The following NPAS3 variants were observed in gnomAD, a reference collection of about 807,000 sequenced individuals.
NPAS3 encodes neuronal PAS domain protein 3, also known as neuronal PAS domain-containing protein 3.
A neutral mutation model predicts 73.1 loss-of-function variants in NPAS3; 14 were observed. The ratio of observed to expected loss-of-function variants is 0.19; its 90% CI spans 0.13 to 0.30. The LOEUF is 0.30. Ranked by LOEUF, NPAS3 falls within the 10% of genes least tolerant of loss-of-function variation. NPAS3 has a pLI of 1.00. For synonymous variants in NPAS3, 620 were observed against 541.5 expected (o/e 1.14, Z -2.01); for missense variants, 1,096 against 1,250.0 (o/e 0.88, Z 1.86).
chr14:33,147,379 C>T (rs1024755723), intron 2 of NPAS3, among the ~76,000 whole-genome samples: 1 of 152,072 alleles, frequency 6.6e-6, no homozygotes, highest in Non-Finnish European at 1.5e-5. Flanking sequence ...TTTCTTAGTT[C>T]TGTTGCTGCT....
chr14:33,674,048 G>A (rs914969212), intron 5 of NPAS3, among the ~76,000 whole-genome samples: 18 of 152,100 alleles, frequency 1.2e-4, no homozygotes, highest in Admixed American at 2.0e-4. Context: ...AGTCCTCACC[G>A]TGCCCTAGTG....
intron 5 of NPAS3, among the ~76,000 whole-genome samples, chr14:33,591,135 G>A (rs2057049443): frequency 6.6e-6 from 1 of 152,116 alleles, no homozygotes; most frequent in South Asian, 2.1e-4. Context: ...GCTTCCTGAG[G>A]AGCAAGTTTC....
At chr14:33,102,059 C>T (rs548271157) in intron 2 of NPAS3, among the ~76,000 whole-genome samples, 1 of 152,110 alleles carries the variant, frequency 6.6e-6, no homozygotes, top group Non-Finnish European at 1.5e-5. Context: ...CCTCTGTTCC[C>T]ACTACCATGC....
At chr14:33,153,304 G>A (rs375809624) in intron 2 of NPAS3, among the ~76,000 whole-genome samples, 1 of 151,908 alleles carries the variant, frequency 6.6e-6, no homozygotes, top group African/African-American at 2.4e-5. Context: ...TGGTTAAGTG[G>A]TTTGGAAGTT....
rs188313974 is a variant in NPAS3, at chr14:33,254,571, A to T, written c.385+39145A>T. Among the ~76,000 whole-genome samples, 18 of 152,286 alleles carry T rather than the reference A, an allele frequency of 1.2e-4. No homozygotes were observed. The East Asian group carries it at 3.1e-3, about 26-fold the overall frequency. ...AGCCTACGGTAGTGCCTGGCACAGT[A>T]GGTGCTCATTAAGTTAATTATGTAT... is the stretch of plus-strand genomic sequence containing the variant. On this transcript the variant is annotated intron_variant, in intron 3 of 11. Transcript: ENST00000356141.
At chr14:33,535,319 G>A (rs2054214741) in intron 4 of NPAS3, among the ~76,000 whole-genome samples, 1 of 152,170 alleles carries the variant, frequency 6.6e-6, no homozygotes, top group Non-Finnish European at 1.5e-5. Context: ...TATTTGACTA[G>A]ACTAGTATGA....
At chr14:32,993,629 A>G (rs183559540) in intron 1 of NPAS3, among the ~76,000 whole-genome samples, 2 of 152,332 alleles carry the variant, frequency 1.3e-5, no homozygotes, top group Non-Finnish European at 2.9e-5. Context: ...TTTATATTCA[A>G]ATAACTAAGG....
At chr14:33,656,371 TTCTC>T (rs1224342005) in intron 5 of NPAS3, among the ~76,000 whole-genome samples, 2 of 152,180 alleles carry the variant, frequency 1.3e-5, no homozygotes, top group Non-Finnish European at 2.9e-5. Flanking sequence ...TCTTATTTAA[TTCTC>T]TCAACAACCC....
intron 5 of NPAS3, among the ~76,000 whole-genome samples, chr14:33,584,785 C>T (rs1422191593): frequency 6.6e-6 from 1 of 152,082 alleles, no homozygotes; most frequent in Non-Finnish European, 1.5e-5. Context: ...AGAGCACAGC[C>T]CTGACTTCCA....
chr14:33,686,708 C>G (rs2060098553), intron 6 of NPAS3, among the ~76,000 whole-genome samples: 1 of 151,958 alleles, frequency 6.6e-6, no homozygotes, highest in South Asian at 2.1e-4. Flanking sequence ...GAATTTGAAC[C>G]CAAGCAGGCT....
intron 4 of NPAS3, among the ~76,000 whole-genome samples, chr14:33,409,875 C>T (rs936466366): frequency 1.3e-5 from 2 of 152,088 alleles, no homozygotes; most frequent in African/African-American, 4.8e-5. Flanking sequence ...TGACAGGAGA[C>T]ATCTAAAATA....
intron 4 of NPAS3, among the ~76,000 whole-genome samples, chr14:33,475,617 T>C (rs926042006): frequency 6.6e-6 from 1 of 152,046 alleles, no homozygotes; most frequent in Non-Finnish European, 1.5e-5. Context: ...AAGAACTGTC[T>C]GAAATCCTTA....
At position 32,964,160 on chromosome 14, in the gene NPAS3, T is replaced by TAAAAAA. The variant is rs34380538; in HGVS notation, c.50+24814_50+24819dup. ...GCTTTTGTTCTACATTTTGCTGCAC[T>TAAAAAA]AAAAAAAAAAAAAAAAAAAAAAAAA... On this transcript the variant is annotated intron_variant, in intron 1 of 11. Transcript: ENST00000356141. 1.9e-4 allele frequency among the ~76,000 whole-genome samples: 14 copies of TAAAAAA among 75,434 alleles called. No individual in the cohort carries two copies. The East Asian group carries it at 2.0e-3, about 11-fold the overall frequency. 49.5% of individuals were successfully genotyped at this position (75,434 alleles called of 152,430 possible).
At chr14:33,536,890 A>G (rs2054283981) in intron 4 of NPAS3, among the ~76,000 whole-genome samples, 1 of 152,194 alleles carries the variant, frequency 6.6e-6, no homozygotes, top group Non-Finnish European at 1.5e-5. Flanking sequence ...AATTTTCTAG[A>G]CATTTGAATT....
At chr14:32,990,653 C>A (rs767385325) in intron 1 of NPAS3, among the ~76,000 whole-genome samples, 1 of 152,042 alleles carries the variant, frequency 6.6e-6, no homozygotes, top group African/African-American at 2.4e-5. Flanking sequence ...AGGCCAGGTA[C>A]GGTAGTTCAC....
chr14:32,989,993 A>G (rs2038265241), intron 1 of NPAS3, among the ~76,000 whole-genome samples: 1 of 152,198 alleles, frequency 6.6e-6, no homozygotes, highest in Admixed American at 6.5e-5. Flanking sequence ...CAAACTAATT[A>G]GTGAATGGAT....
chr14:33,788,383 C>T (rs565500469), intron 9 of NPAS3, among the ~76,000 whole-genome samples: 24 of 152,246 alleles, frequency 1.6e-4, no homozygotes, highest in African/African-American at 5.3e-4. Context: ...GTGGAATCTC[C>T]GATGATCTCA....
chr14:33,396,838 T>G (rs903508932), intron 4 of NPAS3, among the ~76,000 whole-genome samples: 2 of 151,912 alleles, frequency 1.3e-5, no homozygotes, highest in African/African-American at 4.8e-5. Context: ...ATATTATATC[T>G]GTCCATGAAA....
intron 4 of NPAS3, among the ~76,000 whole-genome samples, chr14:33,553,988 A>G (rs1566997680): frequency 6.6e-6 from 1 of 152,142 alleles, no homozygotes; most frequent in Non-Finnish European, 1.5e-5. Context: ...TCACAGTGTG[A>G]TTGTATCAAA....
Sources: allele counts gnomAD v4.1 joint callset (sites outside exome capture counted in the v4.1 genomes callset), GRCh38; gene constraint gnomAD v4.1.1; transcripts MANE v1.5; gene names NCBI Gene and HGNC (gene_info 2026-07-23, HGNC 2026-07-21).